The following SMIM7 variants were observed in gnomAD, a reference collection of about 807,000 sequenced individuals.
SMIM7 encodes UPF0608 protein C19orf42.
Under a neutral mutation model 13.3 loss-of-function variants are expected in SMIM7, and 12 were observed. The ratio of observed to expected loss-of-function variants is 0.90; its 90% CI spans 0.58 to 1.46. The LOEUF (loss-of-function observed/expected upper bound fraction) is 1.46, where lower values mean the gene tolerates loss of function less well. Among genes scored for constraint, SMIM7 ranks in the 40% most tolerant of loss-of-function variants. The pLI is 0.00. For synonymous variants in SMIM7, 36 were observed against 35.8 expected, an observed-to-expected ratio of 1.01 and a Z score of -0.02; for missense variants, 114 against 94.8, an observed-to-expected ratio of 1.20 and a Z score of -0.84.
chr19:16,656,107 C>T (rs1043857521), intron 3 of SMIM7, among the ~76,000 whole-genome samples: 4 of 152,162 alleles, frequency 2.6e-5, no homozygotes, highest in Non-Finnish European at 5.9e-5. Flanking sequence ...CATTCCAGGC[C>T]GGGTGCAGTG....
Position 16,639,420 on chromosome 19 carries a change from T to C in SMIM7, c.*137+7676A>G, listed in dbSNP as rs572839659. Among the ~76,000 whole-genome samples the C allele has an allele frequency of 2.1e-4, 32 of 152,176 alleles. No homozygotes were observed. In the South Asian group the frequency reaches 5.4e-3, roughly 26 times the overall value. On this transcript the variant is annotated intron_variant and NMD_transcript_variant, in intron 4 of 4. Coordinates refer to the SMIM7 transcript ENST00000465250. ...TACAGGCGTGAGCCACTGCGCCCGGTCATAAGATGTCATTTTTAAAAAACT... is the reference window on the plus strand; with the variant it reads ...TACAGGCGTGAGCCACTGCGCCCGGCCATAAGATGTCATTTTTAAAAAACT...
At chr19:16,639,411 T>C (rs1464394739) in intron 4 of SMIM7, among the ~76,000 whole-genome samples, 1 of 152,156 alleles carries the variant, frequency 6.6e-6, no homozygotes, top group Non-Finnish European at 1.5e-5. Flanking sequence ...CGTGAGCCAC[T>C]GCGCCCGGTC....
chr19:16,636,812 G>A (rs2086364314), intron 4 of SMIM7, among the ~76,000 whole-genome samples: 1 of 152,066 alleles, frequency 6.6e-6, no homozygotes, highest in African/African-American at 2.4e-5. Context: ...AAATAGCTGG[G>A]TGTGGTAGCA....
At chr19:16,650,814 C>T (rs2086515070) in intron 4 of SMIM7, among the ~76,000 whole-genome samples, 1 of 152,172 alleles carries the variant, frequency 6.6e-6, no homozygotes, top group Non-Finnish European at 1.5e-5. Context: ...TCTACCCCAT[C>T]TGGAGTGGAT....
intron 4 of SMIM7, among the ~76,000 whole-genome samples, chr19:16,638,367 G>T (rs1403707907): frequency 1.4e-5 from 2 of 143,422 alleles, no homozygotes; most frequent in African/African-American, 5.2e-5. Context: ...GCAATGGCAC[G>T]ATCTCGGCTC....
chr19:16,659,646 C>G, intron 2 of SMIM7, 199 bp from the exon 3 acceptor site: 1 of 673,210 alleles, frequency 1.5e-6, no homozygotes, highest in Middle Eastern at 4.1e-4. Context: ...AGCCACCGAC[C>G]GTTTACAAAG....
At chr19:16,641,843 A>T (rs1337468330), downstream of SMIM7, among the ~76,000 whole-genome samples, 1 of 152,154 alleles carries the variant, frequency 6.6e-6, no homozygotes, top group Non-Finnish European at 1.5e-5. Context: ...AGCTTCCCAA[A>T]GTGTGGGGAT....
intron 3 of SMIM7, among the ~76,000 whole-genome samples, chr19:16,655,680 CAA>C (rs869256040): frequency 2.3e-4 from 9 of 38,494 alleles, no homozygotes; most frequent in South Asian, 1.1e-3. Flanking sequence ...GACTCCATCT[CAA>C]AAAAAAAAAA....
At chr19:16,638,073 C>T (rs73516994) in intron 4 of SMIM7, among the ~76,000 whole-genome samples, 9,350 of 151,218 alleles carry the variant, frequency 0.062, 350 homozygotes, top group Admixed American at 0.11. Context: ...ACCTGGCCAA[C>T]GTGGTGAAAC....
chr19:16,648,452 A>C (rs2086477761), intron 4 of SMIM7, among the ~76,000 whole-genome samples: 1 of 152,172 alleles, frequency 6.6e-6, no homozygotes, highest in African/African-American at 2.4e-5. Context: ...TTCACAATAA[A>C]AAACTTTTGT....
At chr19:16,654,612 C>T (rs556621055) in intron 3 of SMIM7, among the ~76,000 whole-genome samples, 1 of 152,046 alleles carries the variant, frequency 6.6e-6, no homozygotes, top group Non-Finnish European at 1.5e-5. Flanking sequence ...GAACTCCTGG[C>T]TTCAAGTGAT....
Position 16,649,982 on chromosome 19 carries a change from C to A in SMIM7, c.213-2721G>T, listed in dbSNP as rs534171171. Among the ~76,000 whole-genome samples the A allele has an allele frequency of 3.9e-5, 6 of 152,130 alleles. No homozygotes were observed. In the East Asian group the frequency reaches 1.2e-3, roughly 29 times the overall value. On this transcript the variant is annotated intron_variant, in intron 4 of 4. Transcript: ENST00000487416. The stretch of plus-strand genomic sequence containing the variant: ...AGGGACTAAGGGAGGGGAAATGGGG[C>A]GTGACTGCCAATGGGGACGCGGTTT...
At chr19:16,633,276 A>AT (rs113578794) in intron 4 of SMIM7, among the ~76,000 whole-genome samples, 183 of 151,712 alleles carry the variant, frequency 1.2e-3, no homozygotes, top group African/African-American at 4.3e-3. Context: ...GGCTAACATG[A>AT]TGAAACCCTG....
At chr19:16,645,136 AT>A (rs1227556375), downstream of SMIM7, 1 of 152,192 alleles carries the variant, frequency 6.6e-6, no homozygotes. Context: ...CAACCATGAG[AT>A]TCCATTTTTA....
At chr19:16,635,374 A>T (rs943751001) in intron 4 of SMIM7, 4 of 152,066 alleles carry the variant, frequency 2.6e-5, no homozygotes, top group African/African-American at 9.7e-5. Flanking sequence ...AAAAAAAAAA[A>T]AAAAAAGTCC....
intron 4 of SMIM7, among the ~76,000 whole-genome samples, chr19:16,648,740 C>T (rs192967588): frequency 2.1e-3 from 325 of 152,310 alleles, no homozygotes; most frequent in Non-Finnish European, 3.3e-3. Flanking sequence ...TGCACAGTGG[C>T]TCATGCCTGT....
At chr19:16,652,989 T>C in intron 4 of SMIM7, 1 of 1,549,726 alleles carries the variant, frequency 6.5e-7, no homozygotes, top group Non-Finnish European at 8.7e-7. Flanking sequence ...AGCCAGAATT[T>C]AAAACAATAA....
intron 4 of SMIM7, among the ~76,000 whole-genome samples, chr19:16,647,849 T>A (rs754892704): frequency 3.3e-4 from 50 of 151,184 alleles, no homozygotes; most frequent in Admixed American, 9.9e-4. Context: ...TTTCCACAAA[T>A]CTAAACTCAT....
At chr19:16,650,741 A>G (rs549088198) in intron 4 of SMIM7, among the ~76,000 whole-genome samples, 1 of 151,392 alleles carries the variant, frequency 6.6e-6, no homozygotes, top group African/African-American at 2.4e-5. Flanking sequence ...AAATAGGCAC[A>G]CGGAATATTG....
Sources: gnomAD v4.1 joint callset for allele counts (sites outside exome capture counted in the v4.1 genomes callset) on GRCh38, gnomAD v4.1.1 for gene constraint, MANE v1.5 for transcripts, NCBI Gene and HGNC (gene_info 2026-07-23, HGNC 2026-07-21) for gene names.